Variants in POU2F3 observed in about 807,000 individuals in gnomAD.
POU2F3 encodes the protein POU class 2 homeobox 3, also known as POU domain, class 2, transcription factor 3.
In POU2F3, 23 loss-of-function variants were observed where a neutral mutation model predicts 59.2. The ratio of observed to expected loss-of-function variants is 0.39; its 90% CI spans 0.28 to 0.55. The LOEUF (loss-of-function observed/expected upper bound fraction) is 0.55. Ranked by LOEUF, POU2F3 falls within the 20% of genes least tolerant of loss-of-function variation. The pLI is 0.66. For synonymous variants in POU2F3, 190 were observed against 214.6 expected, an observed-to-expected ratio of 0.89 and a Z score of 1.00; for missense variants, 473 against 544.5, an observed-to-expected ratio of 0.87 and a Z score of 1.31.
chr11:120,313,430 C>G (rs1346415673), intron 10 of POU2F3, among the ~76,000 whole-genome samples: 2 of 152,212 alleles, frequency 1.3e-5, no homozygotes, highest in Non-Finnish European at 2.9e-5. Flanking sequence ...AATAGTTACA[C>G]TAACACTTGT....
chr11:120,288,310 A>T (rs1940887712), intron 3 of POU2F3, among the ~76,000 whole-genome samples: 1 of 152,128 alleles, frequency 6.6e-6, no homozygotes, highest in Non-Finnish European at 1.5e-5. Context: ...CAAAATAGGG[A>T]TGTATATGAT....
chr11:120,281,908 C>A (rs923341681), intron 3 of POU2F3, among the ~76,000 whole-genome samples: 8 of 101,584 alleles, frequency 7.9e-5, no homozygotes, highest in Middle Eastern at 3.8e-3. Flanking sequence ...GAGGAGGATT[C>A]AATGAATCTT....
At chr11:120,291,217 A>G (rs1000857939) in intron 3 of POU2F3, among the ~76,000 whole-genome samples, 2 of 152,246 alleles carry the variant, frequency 1.3e-5, no homozygotes, top group Non-Finnish European at 2.9e-5. Flanking sequence ...TTAGGGCTAC[A>G]ACTGAGTTAT....
chr11:120,246,551 TG>T lies in POU2F3; in HGVS notation c.97+40del, dbSNP rs201093593. 1.4e-3 allele frequency: 2,232 copies of T among 1,547,776 alleles called. 13 individuals are homozygous for T. The African/African-American group carries it at 0.022, about 15-fold the overall frequency. On this transcript the variant is annotated intron_variant, in intron 2 of 12. Coordinates refer to ENST00000543440, the MANE Select transcript of POU2F3 (RefSeq NM_014352.4). ...CTTCTCTTCTCGGGGATGGAGGGGG[TG>T]GGGGGAAGAGAGTTGTTGGGAATTG...
rs73576291 is a variant in POU2F3 at position 120,257,146 on chromosome 11, T to A, written c.97+10629T>A. On this transcript the variant is annotated intron_variant, in intron 2 of 12. Coordinates refer to ENST00000543440, the MANE Select transcript of POU2F3 (RefSeq NM_014352.4). ...ATTAATCCTTATTATTTGAAAACAGTGTTCTGCTGCCAAAGTGTTGGAAAA... is the reference window on the plus strand; with the variant it reads ...ATTAATCCTTATTATTTGAAAACAGAGTTCTGCTGCCAAAGTGTTGGAAAA... Among the ~76,000 whole-genome samples the A allele has an allele frequency of 1.1e-3, 167 of 152,326 alleles. 1 individual carries two copies. Among genetic ancestry groups the A allele is most frequent in the African/African-American group, 3.7e-3 (155 of 41,552 alleles).
intron 2 of POU2F3, among the ~76,000 whole-genome samples, chr11:120,267,091 C>A (rs769033070): frequency 6.6e-6 from 1 of 151,790 alleles, no homozygotes; most frequent in Non-Finnish European, 1.5e-5. Flanking sequence ...ACAGCTATTG[C>A]GGCTGTGGGT....
intron 2 of POU2F3, among the ~76,000 whole-genome samples, chr11:120,267,914 A>G (rs1347787172): frequency 1.3e-5 from 2 of 152,120 alleles, no homozygotes; most frequent in African/African-American, 4.8e-5. Context: ...CCAATAATAC[A>G]GGAGACCCAA....
At chr11:120,236,653 A>G (rs1218306881), upstream of POU2F3, 36 of 1,484,624 alleles carry the variant, frequency 2.4e-5, no homozygotes, top group Admixed American at 7.9e-5. Flanking sequence ...ACTCCAGCCC[A>G]GAGCTCAAAA....
upstream of POU2F3, among the ~76,000 whole-genome samples, chr11:120,238,196 T>C (rs1031469359): frequency 1.3e-5 from 2 of 152,044 alleles, no homozygotes; most frequent in Non-Finnish European, 2.9e-5. Context: ...GCCGAGATGA[T>C]GCCATTGCAC....
At chr11:120,242,197 G>T (rs1257504325) in intron 1 of POU2F3, among the ~76,000 whole-genome samples, 2 of 152,182 alleles carry the variant, frequency 1.3e-5, no homozygotes, top group African/African-American at 2.4e-5. Context: ...GTGTCTGAGG[G>T]TTCCCCTTCA....
chr11:120,303,337 A>G (rs1260357268), intron 6 of POU2F3: 1 of 152,216 alleles, frequency 6.6e-6, no homozygotes, highest in East Asian at 1.9e-4. Flanking sequence ...ATCAACTCTC[A>G]TCTCTTATCA....
intron 2 of POU2F3, among the ~76,000 whole-genome samples, chr11:120,265,713 G>C (rs1939803264): frequency 6.6e-6 from 1 of 152,210 alleles, no homozygotes; most frequent in African/African-American, 2.4e-5. Context: ...CAAAAGTGAA[G>C]ACACTTTTTA....
chr11:120,297,307 C>G (rs1235476935), intron 3 of POU2F3, among the ~76,000 whole-genome samples: 1 of 152,216 alleles, frequency 6.6e-6, no homozygotes, highest in African/African-American at 2.4e-5. Flanking sequence ...ACCTGGGAAG[C>G]CCACGCATGG....
At chr11:120,240,440 A>G in intron 1 of POU2F3, 69 bp downstream of exon 1, 1 of 1,303,464 alleles carries the variant, frequency 7.7e-7, no homozygotes, top group Non-Finnish European at 9.8e-7. Context: ...GAGAGGGACA[A>G]CGTTCTGGTT....
At chr11:120,307,756 C>A in intron 9 of POU2F3, 141 bp downstream of exon 9, 1 of 1,126,732 alleles carries the variant, frequency 8.9e-7, no homozygotes, top group Non-Finnish European at 1.2e-6. Flanking sequence ...TTATCCCACT[C>A]CAGGCGCCCA....
upstream of POU2F3, among the ~76,000 whole-genome samples, chr11:120,238,895 TCTATAAAATGG>T (rs909333894): frequency 7.1e-6 from 1 of 141,366 alleles, no homozygotes; most frequent in Non-Finnish European, 1.5e-5. Context: ...ATTTTCCCCA[TCTATAAAATGG>T]CAATAATCAT....
At chr11:120,311,969 C>CA (rs1941660540) in intron 10 of POU2F3, among the ~76,000 whole-genome samples, 1 of 152,084 alleles carries the variant, frequency 6.6e-6, no homozygotes. Context: ...ATAGGAGTGC[C>CA]ATGGGAACCA....
At chr11:120,294,472 C>T (rs192321473) in intron 3 of POU2F3, among the ~76,000 whole-genome samples, 46 of 152,270 alleles carry the variant, frequency 3.0e-4, no homozygotes, top group African/African-American at 9.9e-4. Context: ...TTCACAAGCA[C>T]GGGGGAGATT....
At chr11:120,261,691 C>A (rs1465076363) in intron 2 of POU2F3, among the ~76,000 whole-genome samples, 1 of 152,278 alleles carries the variant, frequency 6.6e-6, no homozygotes, top group Middle Eastern at 3.4e-3. Context: ...TTCTTTGGTC[C>A]TCCCTGTGCC....
Sources: allele counts gnomAD v4.1 joint callset (sites outside exome capture counted in the v4.1 genomes callset), GRCh38; gene constraint gnomAD v4.1.1; transcripts MANE v1.5; gene names NCBI Gene and HGNC (gene_info 2026-07-23, HGNC 2026-07-21).